Variants in CSMD1 observed in about 807,000 individuals in gnomAD.
CSMD1 encodes CUB and Sushi multiple domains 1.
A neutral mutation model predicts 417.5 loss-of-function variants in CSMD1; 213 were observed. That is an observed-to-expected ratio of 0.51 (90% confidence interval 0.46 to 0.57). CSMD1 has a LOEUF of 0.57. CSMD1 is among the 20% of genes least tolerant of loss of function. The pLI, the probability that CSMD1 is intolerant of heterozygous loss-of-function variation, is 0.00. For synonymous variants in CSMD1, 2,862 were observed against 1,736.8 expected (o/e 1.65, Z -16.11); for missense variants, 6,923 against 4,529.7 (o/e 1.53, Z -15.17).
At chr8:4,522,773 C>A (rs1431298386) in intron 2 of CSMD1, among the ~76,000 whole-genome samples, 2 of 152,182 alleles carry the variant, frequency 1.3e-5, no homozygotes, top group East Asian at 3.9e-4. Flanking sequence ...ATGAAGGAGT[C>A]CTGGTAGCAG....
intron 1 of CSMD1, among the ~76,000 whole-genome samples, chr8:4,987,898 C>T (rs73499406): frequency 0.033 from 4,978 of 152,266 alleles, 258 homozygotes; most frequent in African/African-American, 0.11. Context: ...CTTGGACTTA[C>T]ACCAGTGGTT....
At chr8:3,797,738 A>G (rs552963082) in intron 5 of CSMD1, among the ~76,000 whole-genome samples, 27 of 152,108 alleles carry the variant, frequency 1.8e-4, no homozygotes, top group South Asian at 4.1e-4. Flanking sequence ...CTTATACAAA[A>G]TATTTTGTGG....
At chr8:2,964,808 T>C (rs1481257832) in intron 59 of CSMD1, among the ~76,000 whole-genome samples, 1 of 152,028 alleles carries the variant, frequency 6.6e-6, no homozygotes, top group African/African-American at 2.4e-5. Context: ...AACACGCCCA[T>C]GTCAGAAGAG....
chr8:4,615,769 A>C (rs553274319), intron 2 of CSMD1, among the ~76,000 whole-genome samples: 24 of 152,192 alleles, frequency 1.6e-4, no homozygotes, highest in Non-Finnish European at 2.5e-4. Context: ...CATTTCAATT[A>C]ATACTACTTC....
At chr8:4,372,584 A>C (rs1324088956) in intron 3 of CSMD1, among the ~76,000 whole-genome samples, 4 of 151,932 alleles carry the variant, frequency 2.6e-5, no homozygotes, top group African/African-American at 4.8e-5. Flanking sequence ...TTTGAGGTAC[A>C]CTTAAAACAA....
intron 3 of CSMD1, among the ~76,000 whole-genome samples, chr8:4,174,676 T>C (rs1017624476): frequency 1.8e-5 from 2 of 112,922 alleles, no homozygotes; most frequent in African/African-American, 6.9e-5. Flanking sequence ...CATGCTAACA[T>C]GCTCAAAGAA....
intron 5 of CSMD1, among the ~76,000 whole-genome samples, chr8:3,801,768 C>A (rs1276021687): frequency 6.6e-6 from 1 of 152,082 alleles, no homozygotes; most frequent in East Asian, 1.9e-4. Context: ...ATAGCATACA[C>A]ATTCAGTAGC....
chr8:3,915,581 C>T (rs971972719), intron 5 of CSMD1, among the ~76,000 whole-genome samples: 1 of 151,318 alleles, frequency 6.6e-6, no homozygotes, highest in East Asian at 2.0e-4. Flanking sequence ...AATAGTCAGA[C>T]ATTTAATGGG....
intron 4 of CSMD1, among the ~76,000 whole-genome samples, chr8:4,011,389 T>G (rs772078436): frequency 6.6e-6 from 1 of 152,222 alleles, no homozygotes; most frequent in Non-Finnish European, 1.5e-5. Flanking sequence ...GCTTCCAGAC[T>G]CCACATTCCC....
chr8:3,986,814 G>A (rs1362859019), intron 5 of CSMD1, among the ~76,000 whole-genome samples: 1 of 152,022 alleles, frequency 6.6e-6, no homozygotes, highest in East Asian at 1.9e-4. Context: ...GGAATGCAGT[G>A]ATGCGATCTC....
At chr8:4,472,169 T>A (rs73660881) in intron 2 of CSMD1, among the ~76,000 whole-genome samples, 3,939 of 152,300 alleles carry the variant, frequency 0.026, 101 homozygotes, top group Middle Eastern at 0.088. Context: ...AATATTAATT[T>A]TACTTTTATT....
rs376579877 is a variant in CSMD1, at chr8:4,059,641, G to A, written c.416-27542C>T. On this transcript the variant is annotated intron_variant, in intron 3 of 69. Coordinates refer to ENST00000635120, the MANE Select transcript of CSMD1 (RefSeq NM_033225.6). ...CACCGATCCCACAGAAATACAAACT[G>A]CCATCAGAGAATACTACAAACACCT... Among the ~76,000 whole-genome samples, 261 of 152,072 alleles carry A rather than the reference G, an allele frequency of 1.7e-3. 1 individual carries two copies. The highest frequency in any genetic ancestry group is 5.6e-3 in the African/African-American group (231 of 41,480).
At chr8:4,165,029 G>C (rs1250347551) in intron 3 of CSMD1, among the ~76,000 whole-genome samples, 2 of 152,130 alleles carry the variant, frequency 1.3e-5, no homozygotes, top group Non-Finnish European at 2.9e-5. Flanking sequence ...CATGACACCT[G>C]AGGTTTCTGT....
intron 51 of CSMD1, among the ~76,000 whole-genome samples, chr8:3,024,864 G>T (rs981868777): frequency 1.3e-5 from 2 of 151,010 alleles, no homozygotes; most frequent in African/African-American, 4.9e-5. Context: ...GAAAATCCAT[G>T]TTGGAGGGAA....
chr8:4,421,633 CTG>C (rs1797252898), intron 2 of CSMD1, among the ~76,000 whole-genome samples: 1 of 151,864 alleles, frequency 6.6e-6, no homozygotes, highest in South Asian at 2.1e-4. Context: ...TACAGATAAA[CTG>C]AATGAAAATA....
At chr8:4,647,390 CGGA>C (rs1563366387) in intron 1 of CSMD1, among the ~76,000 whole-genome samples, 34 of 145,516 alleles carry the variant, frequency 2.3e-4, no homozygotes, top group African/African-American at 7.9e-4. Flanking sequence ...GCGTGTGCCA[CGGA>C]GGTCTGTTAG....
chr8:3,831,044 G>A (rs1335285314), intron 5 of CSMD1, among the ~76,000 whole-genome samples: 1 of 152,122 alleles, frequency 6.6e-6, no homozygotes, highest in Non-Finnish European at 1.5e-5. Context: ...TGCGCGAACA[G>A]GGTTTGGGTG....
intron 10 of CSMD1, among the ~76,000 whole-genome samples, chr8:3,500,398 G>A (rs977870726): frequency 3.3e-5 from 5 of 152,154 alleles, no homozygotes; most frequent in African/African-American, 7.2e-5. Flanking sequence ...AAAACAGTAT[G>A]GAGCTTGGGA....
At chr8:4,928,836 G>C (rs188844109) in intron 1 of CSMD1, among the ~76,000 whole-genome samples, 48 of 152,246 alleles carry the variant, frequency 3.2e-4, no homozygotes, top group Admixed American at 2.9e-3. Flanking sequence ...TTGGGAGGCT[G>C]AGGTGAGTGG....
Sources: allele counts gnomAD v4.1 joint callset (sites outside exome capture counted in the v4.1 genomes callset), GRCh38; gene constraint gnomAD v4.1.1; transcripts MANE v1.5; gene names NCBI Gene and HGNC (gene_info 2026-07-23, HGNC 2026-07-21).